Variants in SLC24A5 observed in about 807,000 individuals in gnomAD.
SLC24A5 encodes the protein sodium/potassium/calcium exchanger 5.
SLC24A5 carries 46 observed loss-of-function variants against 51.6 expected under a neutral mutation model. The ratio of observed to expected loss-of-function variants is 0.89; its 90% CI spans 0.70 to 1.14. The LOEUF is 1.14. SLC24A5 is among the 50% of genes most tolerant of loss of function. The probability of loss-of-function intolerance (pLI) is 0.00; values close to 1 mark genes in which losing one functional copy is unlikely to be tolerated. For missense variants in SLC24A5, 581 were observed against 604.1 expected, an observed-to-expected ratio of 0.96 and a Z score of 0.40; for synonymous variants, 230 against 214.9, an observed-to-expected ratio of 1.07 and a Z score of -0.62.
chr15:48,131,629 A>G (rs2038791241), intron 2 of SLC24A5, among the ~76,000 whole-genome samples: 1 of 152,126 alleles, frequency 6.6e-6, no homozygotes, highest in Non-Finnish European at 1.5e-5. Context: ...CAGATGCCCA[A>G]TCTTGAACTT....
intron 2 of SLC24A5, among the ~76,000 whole-genome samples, chr15:48,126,230 A>G (rs1420155470): frequency 1.3e-5 from 2 of 152,142 alleles, no homozygotes; most frequent in East Asian, 3.9e-4. Context: ...AACACTGGAA[A>G]AGCTGGAAAA....
Position 48,134,215 on chromosome 15 carries a change from C to T in SLC24A5, c.302-43C>T. Reference sequence around the variant, plus strand: ...TTGTGTTTAGTTGTAAAGACATACTCTTTCACTTTATTAGGCATAACAATC... The same window carrying T: ...TTGTGTTTAGTTGTAAAGACATACTTTTTCACTTTATTAGGCATAACAATC... On this transcript the variant is annotated intron_variant, in intron 2 of 8. Transcript: ENST00000341459. 2.0e-6 allele frequency: 3 copies of T among 1,531,302 alleles called. 1 individual carries two copies. The South Asian group carries it at 3.4e-5, about 17-fold the overall frequency. The allele number at this position is 1,531,302 out of a possible 1,614,324, so 94.9% of individuals were successfully genotyped here. A position where few individuals can be genotyped will look rare whatever the true frequency, so the allele number is the denominator to read the frequency against.
chr15:48,121,847 T>G lies in SLC24A5; in HGVS notation c.122-10T>G. 1 of 1,613,942 alleles carries G rather than the reference T, an allele frequency of 6.2e-7. No individual in the cohort carries two copies. Among genetic ancestry groups the G allele is most frequent in the Non-Finnish European group, 8.5e-7 (1 of 1,179,850 alleles). On this transcript the variant is annotated splice_polypyrimidine_tract_variant and intron_variant, in intron 1 of 8. Coordinates refer to ENST00000341459, the MANE Select transcript of SLC24A5 (RefSeq NM_205850.3). ...AACTCTTCAAACTTTCACCTCCTTT[T>G]CCTTAACAGGAAATAGCACCCAATG...
chr15:48,139,281 A>C (rs1414335672), intron 7 of SLC24A5, 106 bp downstream of exon 7: 13 of 847,646 alleles, frequency 1.5e-5, no homozygotes, highest in Non-Finnish European at 2.4e-5. Context: ...TCTTTTCAGC[A>C]AGATTGAAGA....
At chr15:48,136,493 C>T (rs965902988) in intron 5 of SLC24A5, 190 bp from the exon 6 acceptor site, 2 of 465,726 alleles carry the variant, frequency 4.3e-6, no homozygotes, top group African/African-American at 2.0e-5. Flanking sequence ...AAGTGTCCAG[C>T]TTTTATCAAT....
At chr15:48,128,951 C>T (rs1457370202) in intron 2 of SLC24A5, among the ~76,000 whole-genome samples, 1 of 152,130 alleles carries the variant, frequency 6.6e-6, no homozygotes, top group Non-Finnish European at 1.5e-5. Flanking sequence ...CCCTTCCTAC[C>T]TCTGCATTTA....
rs986204345 is a variant in SLC24A5, at chr15:48,142,603, G to T, written c.*252G>T. ...CCATACAATAAGTTGACAAAAACTG[G>T]AGAAACTAGAACAAACAAATCCAAC... On this transcript the variant is annotated 3_prime_UTR_variant, in exon 9 of 9. Transcript: ENST00000341459. 9.0e-6 allele frequency: 4 copies of T among 443,028 alleles called. No individual in the cohort carries two copies. Among genetic ancestry groups the T allele is most frequent in the African/African-American group, 8.1e-5 (4 of 49,650 alleles). The allele number at this position is 443,028 out of a possible 1,614,324, so 27.4% of individuals were successfully genotyped here.
chr15:48,122,190 T>G (rs1275646830), intron 2 of SLC24A5, 154 bp downstream of exon 2: 1 of 758,180 alleles, frequency 1.3e-6, no homozygotes, highest in African/African-American at 1.7e-5. Flanking sequence ...AAGGAACTGG[T>G]CGAGTGTGGT....
At chr15:48,126,532 G>A (rs1233259111) in intron 2 of SLC24A5, among the ~76,000 whole-genome samples, 1 of 152,168 alleles carries the variant, frequency 6.6e-6, no homozygotes, top group African/African-American at 2.4e-5. Context: ...GAGATTCTGG[G>A]AAAAGAGTTA....
chr15:48,123,541 A>G (rs952754021), intron 2 of SLC24A5: 2 of 152,210 alleles, frequency 1.3e-5, no homozygotes, highest in African/African-American at 2.4e-5. Flanking sequence ...GATTCTATAA[A>G]TGATTTGAGC....
chr15:48,122,292 T>A, intron 2 of SLC24A5: 1 of 589,630 alleles, frequency 1.7e-6, no homozygotes, highest in Non-Finnish European at 3.0e-6. Flanking sequence ...CTCTAGTTTG[T>A]CTACTGCCTG....
At chr15:48,135,637 G>A (rs1243862963) in intron 5 of SLC24A5, 1 of 151,638 alleles carries the variant, frequency 6.6e-6, no homozygotes, top group African/African-American at 2.4e-5. Context: ...ATATCATAAG[G>A]GATAATGAAA....
At position 48,121,159 on chromosome 15, in the gene SLC24A5, G is replaced by T. The variant is rs1235896523; in HGVS notation, c.115G>T (p.Ala39Ser). Reference sequence around the variant, plus strand: ...CTCCCTGCCCCAACGTCTCCCAAGGGCCACAGGTAGGTGGACATTGGGGTC... The same window carrying T: ...CTCCCTGCCCCAACGTCTCCCAAGGTCCACAGGTAGGTGGACATTGGGGTC... ...GTSLPQRLPR[A>S]TGNSTQCVIS... The change falls in exon 1 of 9, where the codon GCC (alanine) becomes TCC (serine). Residue 39 changes from alanine (A) to serine (S), a missense_variant. Ala to Ser is a moderately conservative substitution (Grantham distance 99). Transcript: ENST00000341459. 2.5e-6 allele frequency: 4 copies of T among 1,612,176 alleles called. No homozygotes were observed. Among genetic ancestry groups the T allele is most frequent in the Non-Finnish European group, 2.5e-6 (3 of 1,179,032 alleles).
intron 2 of SLC24A5, among the ~76,000 whole-genome samples, chr15:48,131,087 A>AT (rs1301895319): frequency 9.9e-5 from 15 of 152,168 alleles, no homozygotes; most frequent in African/African-American, 4.8e-5. Flanking sequence ...ATGGGAGTGC[A>AT]TTGTACACCA....
chr15:48,135,858 G>A (rs949923283), intron 5 of SLC24A5: 2 of 152,024 alleles, frequency 1.3e-5, no homozygotes, highest in African/African-American at 4.8e-5. Context: ...CTAAGACACT[G>A]TGTTGGTAGA....
intron 2 of SLC24A5, among the ~76,000 whole-genome samples, chr15:48,125,132 T>C (rs185951514): frequency 1.6e-4 from 24 of 152,200 alleles, no homozygotes; most frequent in Admixed American, 6.5e-4. Flanking sequence ...GTTCCACCCA[T>C]TTTGTCAACT....
Position 48,142,468 on chromosome 15 carries a change from A to T in SLC24A5, c.*117A>T, listed in dbSNP as rs1173525793. 1 of 829,142 alleles carries T rather than the reference A, an allele frequency of 1.2e-6. No individual in the cohort carries two copies. Among genetic ancestry groups the T allele is most frequent in the Non-Finnish European group, 1.7e-6 (1 of 579,020 alleles). The allele number at this position is 829,142 out of a possible 1,614,324, so 51.4% of individuals were successfully genotyped here. A position where few individuals can be genotyped will look rare whatever the true frequency, so the allele number is the denominator to read the frequency against. ...TTGAACCTTAGAATCTAAAACTTACAGTAATTTAAAACCAACCAAAATCAC... is the reference window on the plus strand; with the variant it reads ...TTGAACCTTAGAATCTAAAACTTACTGTAATTTAAAACCAACCAAAATCAC... On this transcript the variant is annotated 3_prime_UTR_variant, in exon 9 of 9. Transcript: ENST00000341459.
chr15:48,135,181 C>G (rs1397994265), intron 5 of SLC24A5, 197 bp downstream of exon 5: 1 of 444,162 alleles, frequency 2.3e-6, no homozygotes, highest in African/African-American at 2.0e-5. Flanking sequence ...TTCTTAATCA[C>G]TTCACAGTCT....
intron 2 of SLC24A5, among the ~76,000 whole-genome samples, chr15:48,127,040 A>G (rs1234267985): frequency 1.3e-5 from 2 of 152,184 alleles, no homozygotes; most frequent in African/African-American, 4.8e-5. Context: ...GAAAGTGCCC[A>G]CCCTGGAGCC....
Sources: gnomAD v4.1 joint callset for allele counts (sites outside exome capture counted in the v4.1 genomes callset) on GRCh38, gnomAD v4.1.1 for gene constraint, MANE v1.5 for transcripts, NCBI Gene and HGNC (gene_info 2026-07-23, HGNC 2026-07-21) for gene names.